ASH1L: variants seen among roughly 807,000 people sequenced by gnomAD.
ASH1L encodes the protein ASH1 like histone lysine methyltransferase.
A neutral mutation model predicts 269.0 loss-of-function variants in ASH1L; 23 were observed. The ratio of observed to expected loss-of-function variants is 0.09; its 90% CI spans 0.06 to 0.12. ASH1L has a LOEUF of 0.12. ASH1L is among the 10% of genes least tolerant of loss of function. The pLI, the probability that ASH1L is intolerant of heterozygous loss-of-function variation, is 1.00. For missense variants in ASH1L, 2,912 were observed against 3,567.8 expected, an observed-to-expected ratio of 0.82 and a Z score of 4.68; for synonymous variants, 1,187 against 1,253.5, an observed-to-expected ratio of 0.95 and a Z score of 1.12.
At chr1:155,347,222 C>T (rs1218507321) in intron 20 of ASH1L, among the ~76,000 whole-genome samples, 3 of 151,958 alleles carry the variant, frequency 2.0e-5, no homozygotes, top group East Asian at 3.9e-4. Flanking sequence ...AACATGGTGA[C>T]ACCCCATCTC....
chr1:155,355,915 GT>G (rs113937426), intron 15 of ASH1L, among the ~76,000 whole-genome samples: 293 of 116,044 alleles, frequency 2.5e-3, no homozygotes, highest in Admixed American at 3.2e-3. Flanking sequence ...CAGGTATTCT[GT>G]TTTTTTTTTT....
Position 155,427,691 on chromosome 1 carries a change from G to A in ASH1L, c.5828+10636C>T, listed in dbSNP as rs966975756. Reference sequence around the variant, plus strand: ...TGACCTCAGGTGATCCACCCACCTCGGCCTCCCAAATTGCTGGGATTACAG... The same window carrying A: ...TGACCTCAGGTGATCCACCCACCTCAGCCTCCCAAATTGCTGGGATTACAG... On this transcript the variant is annotated intron_variant, in intron 5 of 27. Coordinates refer to ENST00000392403, the MANE Select transcript of ASH1L (RefSeq NM_018489.3). Among the ~76,000 whole-genome samples the A allele has an allele frequency of 2.6e-5, 4 of 152,092 alleles. No individual in the cohort carries two copies. In the East Asian group the frequency reaches 5.8e-4, roughly 22 times the overall value.
intron 4 of ASH1L, among the ~76,000 whole-genome samples, chr1:155,455,527 C>A (rs1663809965): frequency 6.6e-6 from 1 of 152,152 alleles, no homozygotes; most frequent in Non-Finnish European, 1.5e-5. Flanking sequence ...CAGATGGTTT[C>A]TAGAGGTATG....
At chr1:155,486,840 C>A (rs778122284) in intron 2 of ASH1L, among the ~76,000 whole-genome samples, 2 of 151,292 alleles carry the variant, frequency 1.3e-5, no homozygotes, top group Non-Finnish European at 2.9e-5. Context: ...ACACGCAATA[C>A]CATGTATTAC....
intron 2 of ASH1L, chr1:155,520,480 A>C (rs1668810692): frequency 6.6e-6 from 1 of 152,210 alleles, no homozygotes; most frequent in Non-Finnish European, 1.5e-5. Flanking sequence ...TGGTATATGA[A>C]TCATATCTCA....
In ASH1L at chr1:155,479,373, A is replaced by G. The variant is rs1665791751; in HGVS notation, c.3497T>C (p.Leu1166Ser). Residue 1166 changes from leucine (L) to serine (S), a missense_variant, in exon 3 of 28, where the codon TTG (leucine) becomes TCG (serine). Transcript: ENST00000392403. ...CAAGTGCGAAGGAGAATTTGGCAACAAAGTAGGAGGAGATAACCGCCTCCT... is the reference window on the plus strand; with the variant it reads ...CAAGTGCGAAGGAGAATTTGGCAACGAAGTAGGAGGAGATAACCGCCTCCT... Reference protein sequence around the residue: ...KGRRRLSPPTLLPNSPSHLSE... With the variant: ...KGRRRLSPPTSLPNSPSHLSE... 6.2e-7 allele frequency: 1 copy of G among 1,614,084 alleles called. No individual in the cohort carries two copies. Among genetic ancestry groups the G allele is most frequent in the African/African-American group, 1.3e-5 (1 of 74,926 alleles).
At chr1:155,433,368 G>C in intron 5 of ASH1L, 1 of 1,595,294 alleles carries the variant, frequency 6.3e-7, no homozygotes, top group Non-Finnish European at 8.5e-7. Context: ...ATTCCCCCAT[G>C]CCCCCCGCTG....
chr1:155,521,157 T>A lies in ASH1L; in HGVS notation c.363A>T (p.Lys121Asn). The A allele has an allele frequency of 6.2e-7, 1 of 1,611,206 alleles. No homozygotes were observed. Among genetic ancestry groups the A allele is most frequent in the Non-Finnish European group, 8.5e-7 (1 of 1,179,406 alleles). ...CCGTCATCTTTCCACTTTTAAGTGC[T>A]TTCCTTGGGTGCTTAATAGTTGTTT... is the stretch of plus-strand genomic sequence containing the variant. Reference protein sequence around the residue: ...AIKTTIKHPRKALKSGKMTDE... With the variant: ...AIKTTIKHPRNALKSGKMTDE... Residue 121 changes from lysine to asparagine, a missense_variant, in exon 2 of 28, where the codon AAA (lysine) becomes AAT (asparagine). Transcript: ENST00000392403.
intron 2 of ASH1L, among the ~76,000 whole-genome samples, chr1:155,518,351 C>T (rs1022508567): frequency 1.3e-5 from 2 of 152,022 alleles, no homozygotes; most frequent in Non-Finnish European, 2.9e-5. Flanking sequence ...TAGGCTATGA[C>T]ACTAATAATA....
intron 12 of ASH1L, among the ~76,000 whole-genome samples, chr1:155,368,750 C>A (rs777441818): frequency 6.6e-6 from 1 of 152,122 alleles, no homozygotes; most frequent in Non-Finnish European, 1.5e-5. Flanking sequence ...CCACTGTGCC[C>A]GGCTGGAATG....
At chr1:155,352,620 T>C (rs1057488296) in intron 17 of ASH1L, 86 bp downstream of exon 17, 8 of 1,366,424 alleles carry the variant, frequency 5.9e-6, no homozygotes, top group Non-Finnish European at 7.7e-6. Flanking sequence ...GCCTGGGCAA[T>C]ATAGCAAGAC....
At chr1:155,412,582 A>G (rs936714587) in intron 6 of ASH1L, among the ~76,000 whole-genome samples, 1 of 152,182 alleles carries the variant, frequency 6.6e-6, no homozygotes, top group Admixed American at 6.5e-5. Context: ...AATATCCTTT[A>G]TAACAAACCA....
chr1:155,433,285 G>C, intron 5 of ASH1L: 1 of 1,568,342 alleles, frequency 6.4e-7, no homozygotes, highest in Middle Eastern at 2.0e-4. Context: ...CTCGGACCTG[G>C]CTAAGCTTCC....
chr1:155,548,944 C>A (rs74118487), intron 1 of ASH1L, among the ~76,000 whole-genome samples: 1 of 152,116 alleles, frequency 6.6e-6, no homozygotes, highest in Non-Finnish European at 1.5e-5. Context: ...GTTTCACATA[C>A]GAGGATTCAA....
chr1:155,423,770 G>A (rs997232438), intron 5 of ASH1L, among the ~76,000 whole-genome samples: 3 of 151,836 alleles, frequency 2.0e-5, no homozygotes, highest in East Asian at 3.9e-4. Context: ...TCAGTCTCTC[G>A]CTCAGGCTGC....
chr1:155,486,855 TAAAAAAAA>T (rs869311765), intron 2 of ASH1L, among the ~76,000 whole-genome samples: 4 of 140,608 alleles, frequency 2.8e-5, no homozygotes, highest in African/African-American at 1.0e-4. Context: ...TATTACAGTT[TAAAAAAAA>T]AAAAAGAAAA....
chr1:155,542,760 A>T (rs1379958640), intron 1 of ASH1L, among the ~76,000 whole-genome samples: 1 of 149,046 alleles, frequency 6.7e-6, no homozygotes, highest in Non-Finnish European at 1.5e-5. Flanking sequence ...GCTCACTGCA[A>T]CCTCCACCTC....
At chr1:155,550,936 C>T (rs971999223) in intron 1 of ASH1L, among the ~76,000 whole-genome samples, 5 of 152,068 alleles carry the variant, frequency 3.3e-5, no homozygotes, top group Non-Finnish European at 5.9e-5. Context: ...AAATCTACTG[C>T]TCAGCCTCCC....
At chr1:155,369,067 C>CA (rs1473511904) in intron 12 of ASH1L, among the ~76,000 whole-genome samples, 2 of 152,048 alleles carry the variant, frequency 1.3e-5, no homozygotes, top group Non-Finnish European at 2.9e-5. Flanking sequence ...TCTGAAATGA[C>CA]AAAGTATGTC....
Sources: allele counts gnomAD v4.1 joint callset (sites outside exome capture counted in the v4.1 genomes callset), GRCh38; gene constraint gnomAD v4.1.1; transcripts MANE v1.5; gene names NCBI Gene and HGNC (gene_info 2026-07-23, HGNC 2026-07-21).